SMC6: variants seen among roughly 807,000 people sequenced by gnomAD.
SMC6 encodes the protein structural maintenance of chromosomes 6, also known as structural maintenance of chromosomes protein 6.
SMC6 carries 79 observed loss-of-function variants against 142.2 expected under a neutral mutation model. The observed-to-expected ratio is 0.56, with a 90% CI of 0.46 to 0.67. The LOEUF (loss-of-function observed/expected upper bound fraction) is 0.67, where lower values mean the gene tolerates loss of function less well. SMC6 is among the 30% of genes least tolerant of loss of function. The pLI is 0.00. For synonymous variants in SMC6, 411 were observed against 412.4 expected (o/e 1.00, Z 0.04); for missense variants, 1,072 against 1,284.0 (o/e 0.83, Z 2.52).
intron 11 of SMC6, among the ~76,000 whole-genome samples, chr2:17,719,529 C>G (rs1419682609): frequency 6.6e-6 from 1 of 152,154 alleles, no homozygotes; most frequent in African/African-American, 2.4e-5. Flanking sequence ...CCTTATGATC[C>G]TCCTTTCCCA....
At position 17,690,690 on chromosome 2, in the gene SMC6, G is replaced by C. The variant is rs572393079; in HGVS notation, c.2678+4462C>G. On this transcript the variant is annotated intron_variant, in intron 23 of 27. Transcript: ENST00000448223. ...ATTTTTAAAATCTGCATAATGTACCGAATAGACAAAAAAGTACATGAAAAG... is the reference window on the plus strand; with the variant it reads ...ATTTTTAAAATCTGCATAATGTACCCAATAGACAAAAAAGTACATGAAAAG... Among the ~76,000 whole-genome samples, 4 of 151,424 alleles carry C rather than the reference G, an allele frequency of 2.6e-5. No homozygotes were observed. In the South Asian group the frequency reaches 8.4e-4, roughly 32 times the overall value.
chr2:17,746,467 G>C (rs1670749144), intron 2 of SMC6: 1 of 152,136 alleles, frequency 6.6e-6, no homozygotes, highest in Non-Finnish European at 1.5e-5. Flanking sequence ...TTATTCCAAA[G>C]CAATGCACAA....
intron 24 of SMC6, chr2:17,679,584 T>C (rs1038873583): frequency 6.6e-6 from 1 of 152,218 alleles, no homozygotes; most frequent in Non-Finnish European, 1.5e-5. Flanking sequence ...TTTATCAGAA[T>C]AGATTAGGGA....
At chr2:17,699,834 G>A (rs1429709728) in intron 21 of SMC6, among the ~76,000 whole-genome samples, 3 of 152,014 alleles carry the variant, frequency 2.0e-5, no homozygotes, top group Non-Finnish European at 4.4e-5. Context: ...TTTCAAGTTG[G>A]CTTTTACAGC....
At chr2:17,688,315 T>TAAA (rs36077684) in intron 23 of SMC6, among the ~76,000 whole-genome samples, 41 of 130,186 alleles carry the variant, frequency 3.1e-4, no homozygotes, top group African/African-American at 1.1e-3. Flanking sequence ...AAAATGCTAT[T>TAAA]AAAAAAAAAA....
intron 16 of SMC6, 63 bp from the exon 17 acceptor site, chr2:17,708,816 A>T: frequency 2.0e-6 from 1 of 491,030 alleles, no homozygotes. Context: ...TATACATATG[A>T]AAATTGTGTA....
intron 25 of SMC6, among the ~76,000 whole-genome samples, chr2:17,671,447 A>AC (rs1558323102): frequency 2.7e-5 from 4 of 150,572 alleles, no homozygotes; most frequent in Non-Finnish European, 4.4e-5. Flanking sequence ...ACACACACAC[A>AC]AAAATACAAA....
chr2:17,713,935 A>G (rs1668951657), intron 16 of SMC6, among the ~76,000 whole-genome samples: 1 of 152,186 alleles, frequency 6.6e-6, no homozygotes. Flanking sequence ...ACCTATTAAC[A>G]TGAGTTAATT....
At chr2:17,740,878 A>G (rs1370470379) in intron 4 of SMC6, 1 of 251,986 alleles carries the variant, frequency 4.0e-6, no homozygotes, top group Non-Finnish European at 7.9e-6. Flanking sequence ...AAAACAAAAA[A>G]AACCCCAAAC....
chr2:17,753,022 T>C lies in SMC6; in HGVS notation c.-50A>G, dbSNP rs774293272. Reference sequence around the variant, plus strand: ...ACAACCTTTCTCTACCCTAGAGTCCTGTTTTCCGCAATTCCCAATTGGGAT... The same window carrying C: ...ACAACCTTTCTCTACCCTAGAGTCCCGTTTTCCGCAATTCCCAATTGGGAT... On this transcript the variant is annotated 5_prime_UTR_variant, in exon 2 of 28. Coordinates refer to ENST00000448223, the MANE Select transcript of SMC6 (RefSeq NM_001142286.2). 6.1e-5 allele frequency: 60 copies of C among 985,056 alleles called. No individual in the cohort carries two copies. Among genetic ancestry groups the C allele is most frequent in the Non-Finnish European group, 7.0e-5 (58 of 829,668 alleles). 61.0% of individuals were successfully genotyped at this position (985,056 alleles called of 1,614,324 possible).
intron 16 of SMC6, among the ~76,000 whole-genome samples, chr2:17,714,083 GTTTTTTTTGTT>G (rs1012619061): frequency 1.7e-5 from 2 of 118,202 alleles, no homozygotes; most frequent in African/African-American, 8.7e-5. Context: ...TTCATTTTTT[GTTTTTTTTGTT>G]TTTTTTTTTT....
intron 11 of SMC6, 138 bp from the exon 12 acceptor site, chr2:17,718,361 T>TA (rs1482000237): frequency 1.0e-5 from 5 of 494,714 alleles, no homozygotes; most frequent in Admixed American, 4.0e-5. Context: ...AACATAACAT[T>TA]ATATAAAATA....
chr2:17,670,496 AC>A lies in SMC6; in HGVS notation c.2989del (p.Val997CysfsTer36). 6.2e-7 allele frequency: 1 copy of A among 1,609,680 alleles called. No individual in the cohort carries two copies. The highest frequency in any genetic ancestry group is 8.5e-7 in the Non-Finnish European group (1 of 1,178,752). On this transcript the variant is annotated frameshift_variant, in exon 26 of 28. Coordinates refer to ENST00000448223, the MANE Select transcript of SMC6 (RefSeq NM_001142286.2). LOFTEE classifies it high-confidence loss of function. The part of the protein sequence containing the change: ...LSGGERSFST[V>X]CFILSLWSIA... ...GGACCACAGGGAAAGAATAAAACAC[AC>A]TGTGGAGAAAGAACGTTCACCTCCA...
At chr2:17,684,239 T>C (rs1045943322) in intron 23 of SMC6, among the ~76,000 whole-genome samples, 5 of 152,130 alleles carry the variant, frequency 3.3e-5, no homozygotes, top group Non-Finnish European at 7.4e-5. Context: ...AGAGTGCTAT[T>C]ACAAAAGGCA....
At chr2:17,676,484 T>G (rs1484071892) in intron 25 of SMC6, among the ~76,000 whole-genome samples, 1 of 152,192 alleles carries the variant, frequency 6.6e-6, no homozygotes, top group East Asian at 1.9e-4. Context: ...TGATAAGTCT[T>G]CCAATTTTAT....
chr2:17,717,453 C>A (rs1017345475), intron 12 of SMC6, among the ~76,000 whole-genome samples: 1 of 152,076 alleles, frequency 6.6e-6, no homozygotes. Context: ...GGGCGGATCA[C>A]GAGGTCAGGA....
chr2:17,684,421 G>T (rs991993778), intron 23 of SMC6, among the ~76,000 whole-genome samples: 1 of 152,176 alleles, frequency 6.6e-6, no homozygotes, highest in African/African-American at 2.4e-5. Flanking sequence ...AGATATTTAT[G>T]GGGAAAATAT....
chr2:17,741,769 T>C (rs768231735), intron 3 of SMC6, 40 bp from the exon 4 acceptor site: 13 of 1,351,834 alleles, frequency 9.6e-6, no homozygotes, highest in Non-Finnish European at 1.2e-5. Context: ...GTCAATCTAA[T>C]TCACTCATTA....
Position 17,678,910 on chromosome 2 carries a change from G to C in SMC6, c.2859C>G (p.Ala953=). 1 of 1,612,592 alleles carries C rather than the reference G, an allele frequency of 6.2e-7. No individual in the cohort carries two copies. Among genetic ancestry groups the C allele is most frequent in the Non-Finnish European group, 8.5e-7 (1 of 1,179,312 alleles). ...LYFDNLLSQR[A]YCGKMNFDHK... is the part of the protein sequence containing the mutation. ...GGTCAAAATTCATTTTTCCACAATA[G>C]GCCCGCTGAGATAGTAAGTTGTCAA... The change falls in exon 25 of 28, where the codon GCC becomes GCG. Residue 953 remains alanine, a synonymous_variant. Coordinates refer to ENST00000448223, the MANE Select transcript of SMC6 (RefSeq NM_001142286.2).
Sources: gnomAD v4.1 joint callset for allele counts (sites outside exome capture counted in the v4.1 genomes callset) on GRCh38, gnomAD v4.1.1 for gene constraint, MANE v1.5 for transcripts, NCBI Gene and HGNC (gene_info 2026-07-23, HGNC 2026-07-21) for gene names.